FERMT2: variants seen among roughly 807,000 people sequenced by gnomAD.
FERMT2 encodes fermitin family homolog 2.
Under a neutral mutation model 82.7 loss-of-function variants are expected in FERMT2, and 15 were observed. The observed-to-expected ratio is 0.18, with a 90% CI of 0.12 to 0.28. FERMT2 has a LOEUF of 0.28. Ranked by LOEUF, FERMT2 falls within the 10% of genes least tolerant of loss-of-function variation. The pLI, the probability that FERMT2 is intolerant of heterozygous loss-of-function variation, is 1.00. For missense variants in FERMT2, 645 were observed against 809.4 expected (o/e 0.80, Z 2.46); for synonymous variants, 274 against 271.5 (o/e 1.01, Z -0.09).
intron 2 of FERMT2, among the ~76,000 whole-genome samples, chr14:52,930,522 T>A (rs973149443): frequency 6.6e-6 from 1 of 152,122 alleles, no homozygotes; most frequent in Non-Finnish European, 1.5e-5. Context: ...GTGAGTTGGA[T>A]GGGGTAAGAA....
chr14:52,905,732 G>A (rs1887967568), intron 3 of FERMT2, among the ~76,000 whole-genome samples: 1 of 152,198 alleles, frequency 6.6e-6, no homozygotes, highest in Non-Finnish European at 1.5e-5. Context: ...GCGATTGCCT[G>A]GAGGAAGGGC....
intron 14 of FERMT2, 107 bp downstream of exon 14, chr14:52,859,466 G>A (rs1386206910): frequency 8.5e-6 from 9 of 1,056,836 alleles, no homozygotes; most frequent in Non-Finnish European, 1.2e-5. Context: ...TGTACTTTAA[G>A]AGGTGGTGGT....
intron 2 of FERMT2, among the ~76,000 whole-genome samples, chr14:52,920,858 G>A (rs1888919530): frequency 6.6e-6 from 1 of 151,936 alleles, no homozygotes; most frequent in Admixed American, 6.6e-5. Flanking sequence ...GTGGGAAGAT[G>A]GACTGAACCT....
At chr14:52,931,354 T>C (rs369320589) in intron 2 of FERMT2, among the ~76,000 whole-genome samples, 6 of 152,338 alleles carry the variant, frequency 3.9e-5, no homozygotes, top group African/African-American at 1.4e-4. Context: ...TCTTAAAAGA[T>C]GTGGGAGTTC....
chr14:52,888,330 T>A (rs1442416959), intron 4 of FERMT2, among the ~76,000 whole-genome samples: 1 of 152,206 alleles, frequency 6.6e-6, no homozygotes. Context: ...TAAATTACTA[T>A]GTCTTAATCA....
At chr14:52,860,125 T>C (rs1349143217) in intron 13 of FERMT2, 4 of 481,866 alleles carry the variant, frequency 8.3e-6, no homozygotes, top group Non-Finnish European at 1.4e-5. Flanking sequence ...CCAAGAGTGC[T>C]ATTCTCTTAG....
intron 2 of FERMT2, among the ~76,000 whole-genome samples, chr14:52,939,230 G>A (rs1889984103): frequency 1.3e-5 from 2 of 149,672 alleles, no homozygotes; most frequent in South Asian, 2.1e-4. Flanking sequence ...ACAAATAGCA[G>A]GGCATGGTGG....
chr14:52,910,281 C>T (rs1214176759), intron 3 of FERMT2, among the ~76,000 whole-genome samples: 1 of 152,078 alleles, frequency 6.6e-6, no homozygotes, highest in Non-Finnish European at 1.5e-5. Context: ...AAGGCTAGAA[C>T]AGAAAGAGAA....
chr14:52,872,715 T>C (rs957003594), intron 10 of FERMT2, 84 bp downstream of exon 10: 89 of 1,464,356 alleles, frequency 6.1e-5, no homozygotes, highest in Non-Finnish European at 7.4e-5. Context: ...TTTAAAAAAC[T>C]TGTTTATCCC....
At chr14:52,914,498 C>A (rs1266011515) in intron 3 of FERMT2, among the ~76,000 whole-genome samples, 1 of 152,148 alleles carries the variant, frequency 6.6e-6, no homozygotes, top group Non-Finnish European at 1.5e-5. Flanking sequence ...GTCATCATTA[C>A]CGCTATTATG....
intron 3 of FERMT2, among the ~76,000 whole-genome samples, chr14:52,912,878 T>G (rs968870985): frequency 3.3e-5 from 5 of 152,172 alleles, no homozygotes; most frequent in African/African-American, 9.7e-5. Flanking sequence ...ATTCCATCAT[T>G]TTTTTCCTCT....
intron 4 of FERMT2, among the ~76,000 whole-genome samples, chr14:52,892,659 G>C (rs573742058): frequency 1.5e-4 from 23 of 151,342 alleles, no homozygotes; most frequent in African/African-American, 5.6e-4. Flanking sequence ...GGGTTTCACT[G>C]TGTTAGCCAG....
At chr14:52,888,209 T>C (rs924596205) in intron 4 of FERMT2, among the ~76,000 whole-genome samples, 12 of 152,182 alleles carry the variant, frequency 7.9e-5, no homozygotes, top group Non-Finnish European at 2.9e-5. Context: ...TTATTTGTGA[T>C]TTTGGTTTGC....
Position 52,878,631 on chromosome 14 carries a change from T to C in FERMT2, c.914A>G (p.Glu305Gly), listed in dbSNP as rs1886111815. The change falls in exon 7 of 15, where the codon GAA (glutamate) becomes GGA (glycine). Residue 305 changes from glutamate to glycine, a missense_variant. Glu to Gly is a moderately conservative substitution (Grantham distance 98). Coordinates refer to ENST00000341590, the MANE Select transcript of FERMT2 (RefSeq NM_006832.3). ...YEQAKWAILL[E>G]EIECTEEEMM... Reference sequence around the variant, plus strand: ...TTCTTCTTCTGTGCATTCAATCTCTTCCAGGAGAATGGCCCATTTGGCCTG... The same window carrying C: ...TTCTTCTTCTGTGCATTCAATCTCTCCCAGGAGAATGGCCCATTTGGCCTG... 6.2e-7 allele frequency: 1 copy of C among 1,610,812 alleles called. No individual in the cohort carries two copies. Among genetic ancestry groups the C allele is most frequent in the African/African-American group, 1.3e-5 (1 of 74,910 alleles).
chr14:52,860,677 T>C, intron 12 of FERMT2: 1 of 575,658 alleles, frequency 1.7e-6, no homozygotes, highest in Non-Finnish European at 3.0e-6. Context: ...TTTTCATATA[T>C]CAACAAAAAG....
chr14:52,892,377 G>T (rs933881913), intron 4 of FERMT2, among the ~76,000 whole-genome samples: 1 of 151,676 alleles, frequency 6.6e-6, no homozygotes, highest in Non-Finnish European at 1.5e-5. Context: ...CCTGACCTCA[G>T]GTGATCTGCC....
intron 12 of FERMT2, chr14:52,861,037 G>A: frequency 6.6e-7 from 1 of 1,508,570 alleles, no homozygotes; most frequent in Non-Finnish European, 8.8e-7. Context: ...TAGCCTGGCT[G>A]TAGATGGCAA....
At chr14:52,884,023 G>A (rs1886441081) in intron 4 of FERMT2, among the ~76,000 whole-genome samples, 1 of 152,084 alleles carries the variant, frequency 6.6e-6, no homozygotes, top group Non-Finnish European at 1.5e-5. Context: ...CAAGTCTCAG[G>A]TATTTCCTTA....
At chr14:52,866,208 C>T (rs1885270206) in intron 10 of FERMT2, among the ~76,000 whole-genome samples, 1 of 152,062 alleles carries the variant, frequency 6.6e-6, no homozygotes, top group Non-Finnish European at 1.5e-5. Flanking sequence ...CTACAGGGGC[C>T]ACATCTCAAA....
Sources: allele counts gnomAD v4.1 joint callset (sites outside exome capture counted in the v4.1 genomes callset), GRCh38; gene constraint gnomAD v4.1.1; transcripts MANE v1.5; gene names NCBI Gene and HGNC (gene_info 2026-07-23, HGNC 2026-07-21).